RABL2B: variants seen among roughly 807,000 people sequenced by gnomAD.
The protein encoded by RABL2B is RAB, member of RAS oncogene family like 2B.
RABL2B carries 17 observed loss-of-function variants against 26.7 expected under a neutral mutation model. That is an observed-to-expected ratio of 0.64 (90% CI 0.44 to 0.95). RABL2B has a LOEUF of 0.95. Among genes scored for constraint, RABL2B ranks in the 40% least tolerant of loss-of-function variants. The pLI, the probability that RABL2B is intolerant of heterozygous loss-of-function variation, is 0.00. For synonymous variants in RABL2B, 70 were observed against 103.9 expected, an observed-to-expected ratio of 0.67 and a Z score of 1.99; for missense variants, 170 against 277.2, an observed-to-expected ratio of 0.61 and a Z score of 2.75.
intron 2 of RABL2B, chr22:50,780,562 G>A: frequency 2.5e-6 from 1 of 403,894 alleles, no homozygotes; most frequent in East Asian, 7.3e-5. Context: ...AAAATTGGCA[G>A]TAATTCTTGA....
intron 6 of RABL2B, 80 bp from the exon 7 acceptor site, chr22:50,769,632 T>G (rs2083843341): frequency 6.3e-7 from 1 of 1,599,484 alleles, no homozygotes; most frequent in Non-Finnish European, 8.6e-7. Context: ...CTGGAGGCCT[T>G]CATTCCAGAA....
chr22:50,779,227 C>T (rs150151363), intron 2 of RABL2B, among the ~76,000 whole-genome samples: 3,130 of 151,522 alleles, frequency 0.021, 92 homozygotes, highest in African/African-American at 0.071. Flanking sequence ...AAAAGAGGCC[C>T]CAGAGACTCA....
intron 4 of RABL2B, 86 bp from the exon 5 acceptor site, chr22:50,775,937 C>T: frequency 6.7e-7 from 1 of 1,493,688 alleles, no homozygotes; most frequent in Admixed American, 1.7e-5. Flanking sequence ...GCACAAACCA[C>T]AGCACATGTG....
chr22:50,768,582 T>C lies in RABL2B; in HGVS notation c.*194A>G. The C allele has an allele frequency of 1.5e-6, 2 of 1,341,016 alleles. No homozygotes were observed. The highest frequency in any genetic ancestry group is 1.5e-5 in the South Asian group (1 of 65,118). 83.1% of individuals were successfully genotyped at this position (1,341,016 alleles called of 1,614,324 possible). A position where few individuals can be genotyped will look rare whatever the true frequency, so the allele number is the denominator to read the frequency against. ...TCAAGGAGATCTGGTGGGGAATTCTTCCACCAGTCCAGAGTTTGCTGGTGC... is the reference window on the plus strand; with the variant it reads ...TCAAGGAGATCTGGTGGGGAATTCTCCCACCAGTCCAGAGTTTGCTGGTGC... On this transcript the variant is annotated 3_prime_UTR_variant, in exon 9 of 9. Transcript: ENST00000691320.
intron 5 of RABL2B, chr22:50,773,102 A>G (rs781816348): frequency 3.1e-5 from 39 of 1,264,534 alleles, no homozygotes; most frequent in Non-Finnish European, 3.5e-5. Flanking sequence ...AGATGCAGGA[A>G]GCAGTCACTC....
intron 2 of RABL2B, among the ~76,000 whole-genome samples, chr22:50,779,570 A>G (rs1256159361): frequency 5.9e-5 from 9 of 151,958 alleles, no homozygotes; most frequent in Non-Finnish European, 2.9e-5. Flanking sequence ...CCCTCTTTGC[A>G]CAACGATGAT....
rs141011669 is a variant in RABL2B, at chr22:50,772,709, C to T, written c.298-2693G>A. On this transcript the variant is annotated intron_variant, in intron 5 of 8. Coordinates refer to ENST00000691320, the MANE Select transcript of RABL2B (RefSeq NM_001130919.3). The stretch of plus-strand genomic sequence containing the variant: ...TTCACAGGCAAATTTCAATGAATCA[C>T]CAGGTTGTCTTGAATTCCCGATGAA... 6.0e-4 allele frequency: 628 copies of T among 1,047,734 alleles called. 4 individuals are homozygous for T. In the African/African-American group the frequency reaches 9.4e-3, roughly 16 times the overall value. The allele number at this position is 1,047,734 out of a possible 1,614,324, so 64.9% of individuals were successfully genotyped here. A position where few individuals can be genotyped will look rare whatever the true frequency, so the allele number is the denominator to read the frequency against.
At chr22:50,781,033 A>C (rs181752170) in intron 2 of RABL2B, among the ~76,000 whole-genome samples, 97 of 152,230 alleles carry the variant, frequency 6.4e-4, no homozygotes, top group South Asian at 1.2e-3. Flanking sequence ...AGGATGGTCA[A>C]AGTAACTATA....
At position 50,776,820 on chromosome 22, in the gene RABL2B, G is replaced by A. The variant is rs2085063391; in HGVS notation, c.138-71C>T. ...AAGGAGTGGGGAGCAGGGGTGTTTG[G>A]TTTGATGAAATGGATCCTCTCCCTC... On this transcript the variant is annotated intron_variant, in intron 3 of 8. Coordinates refer to ENST00000691320, the MANE Select transcript of RABL2B (RefSeq NM_001130919.3). The A allele has an allele frequency of 2.6e-6, 4 of 1,542,620 alleles. No homozygotes were observed. The South Asian group carries it at 3.6e-5, about 14-fold the overall frequency.
intron 5 of RABL2B, among the ~76,000 whole-genome samples, chr22:50,774,415 G>A (rs1279214129): frequency 1.3e-5 from 2 of 150,772 alleles, no homozygotes; most frequent in Non-Finnish European, 3.0e-5. Flanking sequence ...GATCTTGGCT[G>A]ATACTCTGTG....
chr22:50,774,683 A>G (rs1265247865), intron 5 of RABL2B, among the ~76,000 whole-genome samples: 1 of 150,540 alleles, frequency 6.6e-6, no homozygotes, highest in African/African-American at 2.5e-5. Flanking sequence ...AAGAAGTTTT[A>G]GTGACCAAGG....
intron 5 of RABL2B, 79 bp downstream of exon 5, chr22:50,775,693 G>A (rs1386559606): frequency 8.7e-6 from 13 of 1,491,572 alleles, no homozygotes; most frequent in Admixed American, 3.4e-5. Context: ...TTGGTTACAA[G>A]GGCCCAGGGC....
intron 5 of RABL2B, 193 bp from the exon 6 acceptor site, chr22:50,770,209 A>T: frequency 1.5e-6 from 1 of 645,986 alleles, no homozygotes; most frequent in East Asian, 3.0e-5. Context: ...CCAGATGCGA[A>T]AATGTTTTTA....
chr22:50,777,995 A>C lies in RABL2B; in HGVS notation c.108-14T>G. On this transcript the variant is annotated splice_polypyrimidine_tract_variant and intron_variant, in intron 2 of 8. Transcript: ENST00000691320. ...CTCTCCATGAGTCTGTAAGCAGAAC[A>C]GGCAAGGTGGTCAGATGGCGTCTCC... 2 of 1,614,110 alleles carry C rather than the reference A, an allele frequency of 1.2e-6. No homozygotes were observed. The highest frequency in any genetic ancestry group is 1.7e-6 in the Non-Finnish European group (2 of 1,180,014).
chr22:50,776,848 C>A (rs2085068664), intron 3 of RABL2B, 99 bp from the exon 4 acceptor site: 1 of 1,475,610 alleles, frequency 6.8e-7, no homozygotes, highest in South Asian at 1.2e-5. Context: ...TCTCCCTCCT[C>A]TTCTCTTTGG....
chr22:50,779,511 G>A (rs549436139), intron 2 of RABL2B, among the ~76,000 whole-genome samples: 148 of 152,134 alleles, frequency 9.7e-4, no homozygotes, highest in African/African-American at 3.4e-3. Context: ...ACCCTAGTCT[G>A]TACTCACACC....
chr22:50,781,398 G>GAAA (rs2085846762), intron 2 of RABL2B, among the ~76,000 whole-genome samples: 1 of 134,528 alleles, frequency 7.4e-6, no homozygotes, highest in South Asian at 2.3e-4. Flanking sequence ...TGTGTGGTGG[G>GAAA]GAAGAGAGAG....
At chr22:50,779,456 G>C (rs1172958056) in intron 2 of RABL2B, among the ~76,000 whole-genome samples, 1 of 151,928 alleles carries the variant, frequency 6.6e-6, no homozygotes, top group Non-Finnish European at 1.5e-5. Context: ...TTGGGACCCA[G>C]GGAGTCACAT....
At position 50,775,845 on chromosome 22, in the gene RABL2B, CAA is replaced by C. The variant is rs782066313; in HGVS notation, c.222_223del (p.Phe74LeufsTer28). 1.9e-6 allele frequency: 3 copies of C among 1,614,054 alleles called. No homozygotes were observed. In the African/African-American group the frequency reaches 4.0e-5, roughly 22 times the overall value. On this transcript the variant is annotated frameshift_variant, in exon 5 of 9. Coordinates refer to ENST00000691320, the MANE Select transcript of RABL2B (RefSeq NM_001130919.3). LOFTEE classifies it high-confidence loss of function. ...GAACCGCTCCTGGCCTGCCGTGTCC[CAA>C]AAGTCTGCAATGTGAACACAGACAG...
Sources: allele counts gnomAD v4.1 joint callset (sites outside exome capture counted in the v4.1 genomes callset), GRCh38; gene constraint gnomAD v4.1.1; transcripts MANE v1.5; gene names NCBI Gene and HGNC (gene_info 2026-07-23, HGNC 2026-07-21).